APBB2: variants seen among roughly 807,000 people sequenced by gnomAD.
APBB2 encodes the protein Fe65-like 1.
Under a neutral mutation model 82.5 loss-of-function variants are expected in APBB2, and 38 were observed. That is an observed-to-expected ratio of 0.46 (90% CI 0.36 to 0.60). APBB2 has a LOEUF of 0.60. Ranked by LOEUF, APBB2 falls within the 20% of genes least tolerant of loss-of-function variation. The pLI is 0.00. For missense variants in APBB2, 772 were observed against 972.3 expected (o/e 0.79, Z 2.74); for synonymous variants, 341 against 368.2 (o/e 0.93, Z 0.85).
chr4:40,860,945 C>T (rs1340728477), intron 12 of APBB2, among the ~76,000 whole-genome samples: 1 of 152,188 alleles, frequency 6.6e-6, no homozygotes, highest in Non-Finnish European at 1.5e-5. Flanking sequence ...GGCTCGTCAC[C>T]CTTGCCTTTG....
At chr4:40,822,238 G>C in intron 16 of APBB2, 188 bp from the exon 17 acceptor site, 1 of 621,922 alleles carries the variant, frequency 1.6e-6, no homozygotes, top group East Asian at 2.8e-5. Flanking sequence ...ACCCTGTTCT[G>C]GAGGTCATTC....
rs1051342200 is a variant in APBB2, at chr4:40,935,127, T to A, written c.1057A>T (p.Ser353Cys). 1.3e-6 allele frequency: 2 copies of A among 1,532,852 alleles called. No homozygotes were observed. The highest frequency in any genetic ancestry group is 2.8e-5 in the African/African-American group (2 of 72,666). 95.0% of individuals were successfully genotyped at this position (1,532,852 alleles called of 1,614,324 possible). Residue 353 changes from serine to cysteine, a missense_variant, in exon 8 of 18, where the codon AGT becomes TGT. Ser to Cys is a moderately radical substitution (Grantham distance 112, BLOSUM62 -1). Transcript: ENST00000508593. Reference protein sequence around the residue: ...PTPENEKQPWSDFAVLNGGKI... With the variant: ...PTPENEKQPWCDFAVLNGGKI... ...CCCCCATTCAGAACAGCAAAATCAC[T>A]CCATGGCTGTTTCTAGACATATAAT...
intron 1 of APBB2, among the ~76,000 whole-genome samples, chr4:41,150,914 AT>A (rs1762108543): frequency 6.6e-6 from 1 of 151,968 alleles, no homozygotes; most frequent in Non-Finnish European, 1.5e-5. Flanking sequence ...CAATTTTTGT[AT>A]TTTTGGAGGG....
At chr4:40,833,838 G>A (rs548026547) in intron 12 of APBB2, among the ~76,000 whole-genome samples, 3 of 152,264 alleles carry the variant, frequency 2.0e-5, no homozygotes, top group East Asian at 3.9e-4. Context: ...AGGCCCCAGC[G>A]TGCAACATCC....
At chr4:40,971,930 C>T (rs985972905) in intron 6 of APBB2, among the ~76,000 whole-genome samples, 1 of 152,072 alleles carries the variant, frequency 6.6e-6, no homozygotes, top group East Asian at 1.9e-4. Flanking sequence ...TCAACTTTAG[C>T]GCGTATCCTT....
chr4:40,817,485 A>AT (rs1416162562), intron 17 of APBB2, among the ~76,000 whole-genome samples: 1 of 151,880 alleles, frequency 6.6e-6, no homozygotes, highest in Admixed American at 6.6e-5. Context: ...TTATATGAGG[A>AT]TTTTTTTTCA....
intron 12 of APBB2, among the ~76,000 whole-genome samples, chr4:40,882,581 G>A (rs1768950593): frequency 6.6e-6 from 1 of 152,202 alleles, no homozygotes; most frequent in African/African-American, 2.4e-5. Context: ...GGAAGCAAAG[G>A]AGGGAGCAAG....
Position 40,982,387 on chromosome 4 carries a change from G to GAAGGAAGGGAAAGGAAAGGA in APBB2, c.835+31195_835+31196insTCCTTTCCTTTCCCTTCCTT, listed in dbSNP as rs1560448982. Among the ~76,000 whole-genome samples the GAAGGAAGGGAAAGGAAAGGA allele has an allele frequency of 6.3e-4, 7 of 11,030 alleles. 1 individual carries two copies. The highest frequency in any genetic ancestry group is 1.8e-3 in the African/African-American group (7 of 3,920). 7.2% of individuals were successfully genotyped at this position (11,030 alleles called of 152,430 possible). A position where few individuals can be genotyped will look rare whatever the true frequency, so the allele number is the denominator to read the frequency against. ...GGAAGGAAGGAAGGAAGGAAGGAAG[G>GAAGGAAGGGAAAGGAAAGGA]AAGGAAAGGAAAGGAAAGAAAGAAA... On this transcript the variant is annotated intron_variant, in intron 6 of 17. Coordinates refer to ENST00000508593, the MANE Select transcript of APBB2 (RefSeq NM_004307.2).
chr4:40,966,175 A>G (rs1794601682), intron 6 of APBB2, among the ~76,000 whole-genome samples: 1 of 152,178 alleles, frequency 6.6e-6, no homozygotes, highest in South Asian at 2.1e-4. Flanking sequence ...CAATTTAGAG[A>G]TTATATATTC....
chr4:41,041,638 C>G (rs1266456025), intron 4 of APBB2, among the ~76,000 whole-genome samples: 2 of 152,150 alleles, frequency 1.3e-5, no homozygotes, highest in African/African-American at 4.8e-5. Flanking sequence ...AATAAAGGTC[C>G]AAGAACTAAT....
At chr4:40,837,603 G>C (rs1349940463) in intron 12 of APBB2, among the ~76,000 whole-genome samples, 1 of 152,180 alleles carries the variant, frequency 6.6e-6, no homozygotes, top group Non-Finnish European at 1.5e-5. Flanking sequence ...GACACGATCT[G>C]TCTGACACTT....
At position 41,013,712 on chromosome 4, in the gene APBB2, GATCCTTCTT is replaced by G; in HGVS notation, c.697_705del (p.Lys233_Asp235del). The G allele has an allele frequency of 6.2e-7, 1 of 1,614,170 alleles. No individual in the cohort carries two copies. Among genetic ancestry groups the G allele is most frequent in the Non-Finnish European group, 8.5e-7 (1 of 1,180,020 alleles). On this transcript the variant is annotated inframe_deletion, in exon 6 of 18. Transcript: ENST00000508593. Reference sequence around the variant, plus strand: ...TCGGTTTTGGCCCCTGTTTTCGGATGATCCTTCTTGGTTTCTGGGCTGGATGACACTGTG... The same window carrying G: ...TCGGTTTTGGCCCCTGTTTTCGGATGGGTTTCTGGGCTGGATGACACTGTG...
chr4:40,906,253 G>C lies in APBB2; in HGVS notation c.1255-12842C>G, dbSNP rs1456870390. Among the ~76,000 whole-genome samples, 4 of 151,690 alleles carry C rather than the reference G, an allele frequency of 2.6e-5. No homozygotes were observed. The South Asian group carries it at 8.3e-4, about 32-fold the overall frequency. ...GGCTTCTGCTTGAGCCCAGGAGTTC[G>C]AGACCAGCTTGGGCAAAATGGCAAG... is the stretch of plus-strand genomic sequence containing the variant. On this transcript the variant is annotated intron_variant, in intron 10 of 17. Transcript: ENST00000508593.
intron 4 of APBB2, among the ~76,000 whole-genome samples, chr4:41,053,637 T>G (rs140745880): frequency 1.3e-5 from 2 of 152,198 alleles, no homozygotes; most frequent in Non-Finnish European, 2.9e-5. Flanking sequence ...AGTACTGCTA[T>G]AGTTTCCTAT....
At chr4:40,943,687 TA>T (rs1294046932) in intron 7 of APBB2, among the ~76,000 whole-genome samples, 1 of 152,178 alleles carries the variant, frequency 6.6e-6, no homozygotes, top group South Asian at 2.1e-4. Context: ...TATGCTTCAA[TA>T]AAAAGTTGTT....
intron 6 of APBB2, among the ~76,000 whole-genome samples, chr4:40,984,838 G>C (rs1799987245): frequency 6.6e-6 from 1 of 151,988 alleles, no homozygotes; most frequent in Admixed American, 6.6e-5. Context: ...AAAATACGTG[G>C]TACTAGATAT....
At chr4:41,080,654 C>A (rs762371093) in intron 3 of APBB2, among the ~76,000 whole-genome samples, 4 of 150,836 alleles carry the variant, frequency 2.7e-5, no homozygotes, top group Non-Finnish European at 4.4e-5. Flanking sequence ...TACACATCAC[C>A]TTGGGGGACA....
intron 10 of APBB2, among the ~76,000 whole-genome samples, chr4:40,914,518 C>T (rs551553793): frequency 1.3e-5 from 2 of 152,362 alleles, no homozygotes; most frequent in South Asian, 2.1e-4. Context: ...CGCCATTGCA[C>T]TCCAGCCTGG....
intron 3 of APBB2, among the ~76,000 whole-genome samples, chr4:41,080,066 A>G (rs1209421107): frequency 6.6e-6 from 1 of 152,184 alleles, no homozygotes; most frequent in Admixed American, 6.5e-5. Context: ...TTGTCTTTCC[A>G]CTGAAACACA....
Sources: gnomAD v4.1 joint callset for allele counts (sites outside exome capture counted in the v4.1 genomes callset) on GRCh38, gnomAD v4.1.1 for gene constraint, MANE v1.5 for transcripts, NCBI Gene and HGNC (gene_info 2026-07-23, HGNC 2026-07-21) for gene names.